The following KDM2A variants were observed in gnomAD, a reference collection of about 807,000 sequenced individuals.
The protein encoded by KDM2A is lysine-specific demethylase 2A.
A neutral mutation model predicts 137.3 loss-of-function variants in KDM2A; 3 were observed. The observed-to-expected ratio is 0.02, with a 90% CI of 0.01 to 0.06. KDM2A has a LOEUF of 0.06. KDM2A is among the 10% of genes least tolerant of loss of function. The pLI is 1.00. For missense variants in KDM2A, 738 were observed against 1,510.6 expected (o/e 0.49, Z 8.48); for synonymous variants, 512 against 541.5 (o/e 0.95, Z 0.76).
intron 10 of KDM2A, among the ~76,000 whole-genome samples, chr11:67,223,903 T>C (rs1054329461): frequency 6.6e-6 from 1 of 152,210 alleles, no homozygotes; most frequent in African/African-American, 2.4e-5. Flanking sequence ...GTTGTCTCTC[T>C]CCTCTGTCTC....
At chr11:67,122,677 T>G (rs978039101) in intron 2 of KDM2A, among the ~76,000 whole-genome samples, 6 of 149,838 alleles carry the variant, frequency 4.0e-5, no homozygotes, top group African/African-American at 1.2e-4. Context: ...ATTTATTTAT[T>G]TATTTATTTA....
intron 6 of KDM2A, among the ~76,000 whole-genome samples, chr11:67,214,537 C>T (rs1277354959): frequency 6.6e-6 from 1 of 152,142 alleles, no homozygotes; most frequent in Non-Finnish European, 1.5e-5. Context: ...CGGGATTTCT[C>T]CATGTTGGTC....
chr11:67,208,174 A>G (rs1323327547), intron 6 of KDM2A, among the ~76,000 whole-genome samples: 1 of 151,972 alleles, frequency 6.6e-6, no homozygotes, highest in African/African-American at 2.4e-5. Flanking sequence ...TTGTATTTTG[A>G]TAAGAATAAC....
chr11:67,152,734 T>C (rs754617165), intron 2 of KDM2A, among the ~76,000 whole-genome samples: 2 of 152,216 alleles, frequency 1.3e-5, no homozygotes, highest in Non-Finnish European at 2.9e-5. Flanking sequence ...ACTTCTTTTA[T>C]CTTGCTGTAG....
intron 2 of KDM2A, among the ~76,000 whole-genome samples, chr11:67,157,660 G>A (rs971446096): frequency 8.6e-5 from 13 of 150,848 alleles, no homozygotes; most frequent in Non-Finnish European, 1.8e-4. Flanking sequence ...CACAAGGATC[G>A]CTGGAACTGG....
chr11:67,148,794 T>C (rs1856316036), intron 2 of KDM2A, among the ~76,000 whole-genome samples: 1 of 152,094 alleles, frequency 6.6e-6, no homozygotes, highest in South Asian at 2.1e-4. Flanking sequence ...AGAGCAAAAT[T>C]CCGTCTCAAA....
chr11:67,124,004 T>G (rs1051709917), intron 2 of KDM2A, among the ~76,000 whole-genome samples: 4 of 151,860 alleles, frequency 2.6e-5, no homozygotes, highest in East Asian at 3.9e-4. Context: ...GTTGTTTGTT[T>G]GTTGGTTTGT....
chr11:67,246,817 A>G (rs1275067342), intron 15 of KDM2A, among the ~76,000 whole-genome samples: 1 of 151,842 alleles, frequency 6.6e-6, no homozygotes, highest in Non-Finnish European at 1.5e-5. Context: ...AAATGTGAAA[A>G]GTATACCTTT....
intron 5 of KDM2A, among the ~76,000 whole-genome samples, chr11:67,186,116 G>C (rs1857199900): frequency 1.3e-5 from 2 of 152,022 alleles, no homozygotes; most frequent in Admixed American, 1.3e-4. Context: ...TCCCAAATTT[G>C]ATGAAAGACA....
At chr11:67,197,227 G>A (rs1857505248) in intron 5 of KDM2A, 1 of 150,708 alleles carries the variant, frequency 6.6e-6, no homozygotes, top group Non-Finnish European at 1.5e-5. Flanking sequence ...AGGCTGGAGT[G>A]CAGTGGGGCA....
At chr11:67,234,057 C>T (rs1170049692) in intron 12 of KDM2A, among the ~76,000 whole-genome samples, 1 of 152,198 alleles carries the variant, frequency 6.6e-6, no homozygotes. Flanking sequence ...TAGCTGACGT[C>T]AGAAGACAAC....
intron 2 of KDM2A, chr11:67,143,483 C>G (rs1274278818): frequency 6.6e-6 from 1 of 152,058 alleles, no homozygotes; most frequent in African/African-American, 2.4e-5. Context: ...GAAGCAAATA[C>G]CTGTGTAACT....
At chr11:67,242,622 A>T (rs80153645) in intron 12 of KDM2A, among the ~76,000 whole-genome samples, 2,691 of 152,260 alleles carry the variant, frequency 0.018, 84 homozygotes, top group African/African-American at 0.061. Flanking sequence ...TACACAAGTA[A>T]GGGATTGGGA....
chr11:67,253,710 C>A, intron 19 of KDM2A, 99 bp downstream of exon 19: 2 of 1,269,282 alleles, frequency 1.6e-6, no homozygotes, highest in Admixed American at 2.0e-5. Flanking sequence ...AGATATGACG[C>A]TGTGGAAGAA....
intron 5 of KDM2A, among the ~76,000 whole-genome samples, chr11:67,182,530 CTTTTT>C (rs11297347): frequency 6.8e-5 from 6 of 88,252 alleles, no homozygotes; most frequent in Admixed American, 1.2e-4. Flanking sequence ...TTGAATAAGT[CTTTTT>C]TTTTTTTTTT....
At chr11:67,196,085 C>T (rs1857474183) in intron 5 of KDM2A, 2 of 395,410 alleles carry the variant, frequency 5.1e-6, no homozygotes, top group Admixed American at 3.1e-5. Context: ...AGCTGAGTCA[C>T]ACGAACATAA....
chr11:67,226,646 C>T (rs1403730193), intron 10 of KDM2A, among the ~76,000 whole-genome samples: 5 of 152,008 alleles, frequency 3.3e-5, no homozygotes, highest in Admixed American at 6.6e-5. Flanking sequence ...GGTGTGAACC[C>T]GGGAGGTGGA....
At chr11:67,235,153 A>G (rs1198417142) in intron 12 of KDM2A, among the ~76,000 whole-genome samples, 1 of 151,592 alleles carries the variant, frequency 6.6e-6, no homozygotes, top group Non-Finnish European at 1.5e-5. Flanking sequence ...TCAAAAAAAA[A>G]AAAAAAAGAA....
chr11:67,231,516 C>A, intron 11 of KDM2A, 50 bp from the exon 12 acceptor site: 1 of 1,478,002 alleles, frequency 6.8e-7, no homozygotes, highest in Non-Finnish European at 9.1e-7. Flanking sequence ...TCTTGCTGAT[C>A]ACATGGCAGA....
Sources: gnomAD v4.1 joint callset for allele counts (sites outside exome capture counted in the v4.1 genomes callset) on GRCh38, gnomAD v4.1.1 for gene constraint, MANE v1.5 for transcripts, NCBI Gene and HGNC (gene_info 2026-07-23, HGNC 2026-07-21) for gene names.